NGDN: variants seen among roughly 807,000 people sequenced by gnomAD.
NGDN encodes the protein neuroguidin, also known as EIF4E-binding protein.
A neutral mutation model predicts 45.2 loss-of-function variants in NGDN; 41 were observed. The observed-to-expected ratio is 0.91, with a 90% CI of 0.71 to 1.18. The LOEUF (loss-of-function observed/expected upper bound fraction) is 1.18. Among genes scored for constraint, NGDN ranks in the 50% most tolerant of loss-of-function variants. NGDN has a pLI of 0.00. For synonymous variants in NGDN, 137 were observed against 130.9 expected, an observed-to-expected ratio of 1.05 and a Z score of -0.32; for missense variants, 402 against 399.9, an observed-to-expected ratio of 1.01 and a Z score of -0.05.
At chr14:23,477,640 G>C in intron 10 of NGDN, 80 bp downstream of exon 10, 1 of 1,595,066 alleles carries the variant, frequency 6.3e-7, no homozygotes, top group Non-Finnish European at 8.5e-7. Flanking sequence ...TGCCATTCTG[G>C]GTCTCACCAA....
chr14:23,473,921 C>T (rs1893839890), intron 3 of NGDN, among the ~76,000 whole-genome samples: 1 of 151,736 alleles, frequency 6.6e-6, no homozygotes, highest in South Asian at 2.1e-4. Flanking sequence ...ACCTGTAGTC[C>T]CAGCTACTTG....
chr14:23,470,384 A>T (rs1402214401), intron 2 of NGDN: 1 of 430,944 alleles, frequency 2.3e-6, no homozygotes, highest in Non-Finnish European at 4.2e-6. Flanking sequence ...TTGGGTGCCC[A>T]GGTAATACAC....
At chr14:23,470,460 G>A (rs912544383) in intron 2 of NGDN, among the ~76,000 whole-genome samples, 1 of 152,136 alleles carries the variant, frequency 6.6e-6, no homozygotes, top group African/African-American at 2.4e-5. Context: ...ATTGTAATTC[G>A]AAAACCTCAT....
intron 10 of NGDN, 200 bp downstream of exon 10, chr14:23,477,760 C>G: frequency 6.9e-7 from 1 of 1,456,556 alleles, no homozygotes; most frequent in Non-Finnish European, 9.0e-7. Flanking sequence ...TCTCTGGATT[C>G]TGCCTCTAAG....
At chr14:23,477,986 C>T in intron 10 of NGDN, 21 bp from the exon 11 acceptor site, 1 of 1,614,118 alleles carries the variant, frequency 6.2e-7, no homozygotes, top group East Asian at 2.2e-5. Flanking sequence ...TTGCCTCATT[C>T]TTGGTTTCCC....
chr14:23,474,724 T>G (rs1001455882), intron 3 of NGDN, among the ~76,000 whole-genome samples: 2 of 152,224 alleles, frequency 1.3e-5, no homozygotes, highest in African/African-American at 4.8e-5. Context: ...TGGTAATTAC[T>G]TTGATTAAAT....
Position 23,475,950 on chromosome 14 carries a change from A to G in NGDN, c.421-79A>G, listed in dbSNP as rs1893891471. On this transcript the variant is annotated intron_variant, in intron 6 of 10. Transcript: ENST00000408901. ...TCCCTTTTTATATTCCCACCACCCCAGGGTACTCCAGCTTTGGGTTTTCTT... is the reference window on the plus strand; with the variant it reads ...TCCCTTTTTATATTCCCACCACCCCGGGGTACTCCAGCTTTGGGTTTTCTT... The G allele has an allele frequency of 3.2e-6, 5 of 1,570,490 alleles. No individual in the cohort carries two copies. In the South Asian group the frequency reaches 5.6e-5, roughly 17 times the overall value.
In NGDN at chr14:23,470,958, G is replaced by A; in HGVS notation, c.125G>A (p.Gly42Asp). Residue 42 changes from glycine (G) to aspartate (D), a missense_variant, in exon 3 of 11, where the codon GGT becomes GAT. Physicochemically the swap from Gly to Asp is moderately conservative, Grantham distance 94 (BLOSUM62 -1). Coordinates refer to ENST00000408901, the MANE Select transcript of NGDN (RefSeq NM_001042635.2). ...TCACTGACACAAAAAGTTCAAGCTG[G>A]TGCCTATCCTACAGAAAAGGTAAGA... ...VKSLTQKVQA[G>D]AYPTEKGLSF... 6.5e-7 allele frequency: 1 copy of A among 1,548,780 alleles called. No homozygotes were observed. Among genetic ancestry groups the A allele is most frequent in the Non-Finnish European group, 8.7e-7 (1 of 1,153,356 alleles).
intron 10 of NGDN, 166 bp from the exon 11 acceptor site, chr14:23,477,841 A>C: frequency 6.7e-7 from 1 of 1,491,354 alleles, no homozygotes; most frequent in East Asian, 2.4e-5. Flanking sequence ...CCATTATCCC[A>C]TTTCAATTTT....
At chr14:23,477,913 C>T (rs1283408985) in intron 10 of NGDN, 94 bp from the exon 11 acceptor site, 1 of 1,611,718 alleles carries the variant, frequency 6.2e-7, no homozygotes, top group South Asian at 1.1e-5. Flanking sequence ...GAGACCCCAC[C>T]CCTGTGAGCC....
chr14:23,477,615 G>A, intron 10 of NGDN, 55 bp downstream of exon 10: 2 of 1,608,988 alleles, frequency 1.2e-6, no homozygotes, highest in African/African-American at 2.7e-5. Context: ...AGTACAAATT[G>A]AGTCTCTTTG....
At chr14:23,472,293 C>T (rs1418877823) in intron 3 of NGDN, among the ~76,000 whole-genome samples, 2 of 150,726 alleles carry the variant, frequency 1.3e-5, no homozygotes, top group African/African-American at 2.4e-5. Context: ...GTCAGGAGTT[C>T]GAGACCAGCC....
At chr14:23,477,056 C>G in intron 8 of NGDN, 144 bp from the exon 9 acceptor site, 1 of 692,908 alleles carries the variant, frequency 1.4e-6, no homozygotes, top group East Asian at 2.7e-5. Flanking sequence ...TCAATATGTC[C>G]TTACTAAATA....
intron 2 of NGDN, 197 bp downstream of exon 2, chr14:23,470,298 G>C (rs970922432): frequency 3.6e-6 from 2 of 562,780 alleles, no homozygotes; most frequent in Non-Finnish European, 6.3e-6. Flanking sequence ...ACTCCAAAAA[G>C]AAATTATATG....
chr14:23,470,222 T>C, intron 2 of NGDN, 121 bp downstream of exon 2: 1 of 831,512 alleles, frequency 1.2e-6, no homozygotes. Context: ...AGTAAAATGA[T>C]GTAATCAAAA....
intron 8 of NGDN, among the ~76,000 whole-genome samples, chr14:23,476,977 A>T (rs1163472523): frequency 6.6e-6 from 1 of 152,234 alleles, no homozygotes; most frequent in East Asian, 1.9e-4. Flanking sequence ...TAGGCTATGG[A>T]TTCATATCTA....
intron 1 of NGDN, 70 bp downstream of exon 1, chr14:23,469,797 C>G (rs1893729745): frequency 1.9e-6 from 3 of 1,590,140 alleles, no homozygotes; most frequent in African/African-American, 1.3e-5. Context: ...CGGCTGGAGG[C>G]AAACTGTTGG....
chr14:23,478,214 G>A (rs773046186), downstream of NGDN: 166 of 515,154 alleles, frequency 3.2e-4, no homozygotes, highest in Non-Finnish European at 4.8e-4. Flanking sequence ...GACTGGAGTC[G>A]TTGGGTTTGG....
intron 1 of NGDN, 139 bp from the exon 2 acceptor site, chr14:23,469,903 G>A: frequency 8.1e-7 from 1 of 1,237,906 alleles, no homozygotes; most frequent in African/African-American, 1.5e-5. Context: ...GCTTTAAGGC[G>A]AGTCTGTGAA....
Sources: gnomAD v4.1 joint callset for allele counts (sites outside exome capture counted in the v4.1 genomes callset) on GRCh38, gnomAD v4.1.1 for gene constraint, MANE v1.5 for transcripts, NCBI Gene and HGNC (gene_info 2026-07-23, HGNC 2026-07-21) for gene names.